The following THSD7B variants were observed in gnomAD, a reference collection of about 807,000 sequenced individuals.
THSD7B encodes thrombospondin type 1 domain containing 7B, also known as thrombospondin type-1 domain-containing protein 7B.
In THSD7B, 138 loss-of-function variants were observed where a neutral mutation model predicts 213.6. The observed-to-expected ratio is 0.65, with a 90% CI of 0.56 to 0.74. The LOEUF is 0.74. Among genes scored for constraint, THSD7B ranks in the 30% least tolerant of loss-of-function variants. THSD7B has a pLI of 0.00. For missense variants in THSD7B, 1,931 were observed against 1,991.5 expected (o/e 0.97, Z 0.58); for synonymous variants, 742 against 687.0 (o/e 1.08, Z -1.25).
intron 15 of THSD7B, among the ~76,000 whole-genome samples, chr2:137,499,352 A>ATATC (rs1181451398): frequency 6.6e-6 from 1 of 152,208 alleles, no homozygotes; most frequent in African/African-American, 2.4e-5. Context: ...AACTTTAAAT[A>ATATC]TATCTTGGTA....
At chr2:137,183,461 A>G (rs1173111176) in intron 7 of THSD7B, among the ~76,000 whole-genome samples, 1 of 152,184 alleles carries the variant, frequency 6.6e-6, no homozygotes, top group African/African-American at 2.4e-5. Flanking sequence ...GTCAATCCAG[A>G]TGTTTGAAAG....
At chr2:136,933,301 G>A (rs114751562) in intron 2 of THSD7B, among the ~76,000 whole-genome samples, 17,080 of 152,112 alleles carry the variant, frequency 0.11, 1,090 homozygotes, top group East Asian at 0.15. Context: ...TTAGCCGGGC[G>A]TGGTGGCTCA....
intron 15 of THSD7B, among the ~76,000 whole-genome samples, chr2:137,539,226 G>C (rs1409549148): frequency 6.6e-6 from 1 of 151,610 alleles, no homozygotes; most frequent in Admixed American, 6.6e-5. Flanking sequence ...AATGCCTTAG[G>C]GGCCAAGTGC....
At chr2:136,959,666 T>C (rs1685184860) in intron 2 of THSD7B, among the ~76,000 whole-genome samples, 1 of 152,200 alleles carries the variant, frequency 6.6e-6, no homozygotes, top group Non-Finnish European at 1.5e-5. Flanking sequence ...GGCCAAATGT[T>C]TTTCAGCCTA....
chr2:136,768,517 T>G (rs1295224147), intron 1 of THSD7B, among the ~76,000 whole-genome samples: 1 of 152,196 alleles, frequency 6.6e-6, no homozygotes, highest in Non-Finnish European at 1.5e-5. Context: ...ATTTGACTGG[T>G]CTTATTTAGT....
intron 12 of THSD7B, among the ~76,000 whole-genome samples, chr2:137,284,623 G>T (rs1162333043): frequency 1.3e-5 from 2 of 152,124 alleles, no homozygotes; most frequent in Admixed American, 1.3e-4. Context: ...TGGTTTCAAA[G>T]AACATCTTTA....
intron 2 of THSD7B, among the ~76,000 whole-genome samples, chr2:137,040,889 G>A (rs1022246850): frequency 1.3e-5 from 2 of 152,108 alleles, no homozygotes; most frequent in Non-Finnish European, 2.9e-5. Context: ...AGTGGTATAA[G>A]CTTTGATAAT....
intron 12 of THSD7B, among the ~76,000 whole-genome samples, chr2:137,347,061 T>C (rs1396637448): frequency 6.6e-6 from 1 of 151,732 alleles, no homozygotes; most frequent in Non-Finnish European, 1.5e-5. Flanking sequence ...AGGATTCCAA[T>C]ATCCCCACAT....
chr2:137,091,672 G>T (rs1476483906), intron 3 of THSD7B, among the ~76,000 whole-genome samples: 2 of 151,992 alleles, frequency 1.3e-5, no homozygotes, highest in Non-Finnish European at 2.9e-5. Context: ...TCCTGTGTAT[G>T]TGCCTGTGTG....
chr2:137,409,424 TTTAAC>T (rs1373191811), intron 13 of THSD7B, among the ~76,000 whole-genome samples: 1 of 152,216 alleles, frequency 6.6e-6, no homozygotes, highest in African/African-American at 2.4e-5. Context: ...CATTCCAACT[TTTAAC>T]TTGGTGATAT....
At chr2:137,133,664 G>A (rs1482022707) in intron 5 of THSD7B, among the ~76,000 whole-genome samples, 2 of 152,122 alleles carry the variant, frequency 1.3e-5, no homozygotes, top group Non-Finnish European at 2.9e-5. Context: ...AATGACATAT[G>A]TAATTTTAAG....
At chr2:137,636,449 C>G (rs1042215847) in intron 20 of THSD7B, among the ~76,000 whole-genome samples, 1 of 152,148 alleles carries the variant, frequency 6.6e-6, no homozygotes, top group African/African-American at 2.4e-5. Flanking sequence ...TAAGAAATAT[C>G]AATGACCAAT....
chr2:137,313,638 C>T (rs1022762026), intron 12 of THSD7B, among the ~76,000 whole-genome samples: 7 of 151,906 alleles, frequency 4.6e-5, no homozygotes, highest in Middle Eastern at 3.2e-3. Context: ...TTTGCAGTGG[C>T]TGGTACTGGT....
rs144059671 is a variant in THSD7B, at chr2:136,879,834, G to C, written c.-35-2310G>C. On this transcript the variant is annotated intron_variant, in intron 1 of 27. Transcript: ENST00000409968. ...TGCAATCCTAGTCTCTGATAAAATA[G>C]ACTTTAAACCAACAAAGATCAAAAG... Among the ~76,000 whole-genome samples the C allele has an allele frequency of 2.9e-3, 441 of 152,192 alleles. 11 individuals are homozygous for C. The East Asian group carries it at 0.07, about 24-fold the overall frequency.
chr2:136,843,145 CT>C (rs2104957097), intron 1 of THSD7B, among the ~76,000 whole-genome samples: 1 of 72,704 alleles, frequency 1.4e-5, no homozygotes, highest in African/African-American at 5.2e-5. Flanking sequence ...ATTGCTTTTT[CT>C]TTCGTGAAAC....
intron 2 of THSD7B, among the ~76,000 whole-genome samples, chr2:137,018,732 T>C (rs1383051777): frequency 6.6e-6 from 1 of 152,210 alleles, no homozygotes; most frequent in Non-Finnish European, 1.5e-5. Flanking sequence ...TTGACCATTA[T>C]TAGCCAAGTA....
intron 9 of THSD7B, 40 bp from the exon 10 acceptor site, chr2:137,242,417 C>A (rs770860071): frequency 1.8e-5 from 27 of 1,502,440 alleles, no homozygotes; most frequent in Non-Finnish European, 2.2e-5. Context: ...ACGGCTTAGT[C>A]TCTCAAAAAG....
intron 12 of THSD7B, among the ~76,000 whole-genome samples, chr2:137,311,858 A>G (rs949179472): frequency 4.1e-5 from 6 of 145,184 alleles, no homozygotes; most frequent in South Asian, 4.6e-4. Context: ...GATGAAGCCC[A>G]CTTGATCATG....
intron 5 of THSD7B, among the ~76,000 whole-genome samples, chr2:137,130,191 A>G (rs747116582): frequency 1.3e-5 from 2 of 152,184 alleles, no homozygotes; most frequent in Non-Finnish European, 2.9e-5. Context: ...ATTTACGGCC[A>G]GATGAGGTGG....
Sources: allele counts gnomAD v4.1 joint callset (sites outside exome capture counted in the v4.1 genomes callset), GRCh38; gene constraint gnomAD v4.1.1; transcripts MANE v1.5; gene names NCBI Gene and HGNC (gene_info 2026-07-23, HGNC 2026-07-21).